SLC8A1: variants seen among roughly 807,000 people sequenced by gnomAD.
SLC8A1 encodes solute carrier family 8 member A1.
SLC8A1 carries 18 observed loss-of-function variants against 68.3 expected under a neutral mutation model. The observed-to-expected ratio is 0.26, with a 90% CI of 0.18 to 0.39. The LOEUF is 0.39. Among genes scored for constraint, SLC8A1 ranks in the 10% least tolerant of loss-of-function variants. The pLI, the probability that SLC8A1 is intolerant of heterozygous loss-of-function variation, is 1.00. For missense variants in SLC8A1, 985 were observed against 1,156.7 expected, an observed-to-expected ratio of 0.85 and a Z score of 2.15; for synonymous variants, 475 against 415.5, an observed-to-expected ratio of 1.14 and a Z score of -1.74.
At chr2:40,266,939 T>C (rs1423361512) in intron 2 of SLC8A1, among the ~76,000 whole-genome samples, 1 of 152,152 alleles carries the variant, frequency 6.6e-6, no homozygotes, top group Non-Finnish European at 1.5e-5. Flanking sequence ...TCAATACAGG[T>C]TATTTGTTAG....
At chr2:40,374,078 C>G (rs566674787) in intron 2 of SLC8A1, among the ~76,000 whole-genome samples, 1 of 152,208 alleles carries the variant, frequency 6.6e-6, no homozygotes, top group East Asian at 1.9e-4. Flanking sequence ...AGAGCACACA[C>G]AAATCCACTG....
At chr2:40,471,569 T>G (rs1703990549) in intron 1 of SLC8A1, among the ~76,000 whole-genome samples, 1 of 152,114 alleles carries the variant, frequency 6.6e-6, no homozygotes, top group Non-Finnish European at 1.5e-5. Flanking sequence ...CACACTGACT[T>G]GCTTTTGCTG....
chr2:40,367,030 G>C (rs1052784265), intron 2 of SLC8A1, among the ~76,000 whole-genome samples: 4 of 151,800 alleles, frequency 2.6e-5, no homozygotes. Context: ...TTGAGGGTGT[G>C]GTTGTCAAAA....
At chr2:40,359,978 A>C (rs1267956495) in intron 2 of SLC8A1, among the ~76,000 whole-genome samples, 2 of 151,788 alleles carry the variant, frequency 1.3e-5, no homozygotes, top group African/African-American at 4.8e-5. Flanking sequence ...GCTGTGCAAG[A>C]GTCTGTGGTA....
rs565625 is a variant in SLC8A1 at position 40,212,283 on chromosome 2, C to G, written c.1809-34428G>C. ...GTGCTAAACAGAAGAGATGCAATAT[C>G]TTTTTTTTTTTTTTTTTTCCTGAGA... On this transcript the variant is annotated intron_variant, in intron 2 of 7. Coordinates refer to ENST00000406785, the Ensembl canonical transcript of SLC8A1. Among the ~76,000 whole-genome samples the G allele has an allele frequency of 1.1e-3, 148 of 136,794 alleles. 4 individuals are homozygous for G. The highest frequency in any genetic ancestry group is 7.6e-3 in the Middle Eastern group (2 of 264). The allele number at this position is 136,794 out of a possible 152,430, so 89.7% of individuals were successfully genotyped here.
At chr2:40,170,866 C>G (rs1456356433) in intron 4 of SLC8A1, among the ~76,000 whole-genome samples, 2 of 152,056 alleles carry the variant, frequency 1.3e-5, no homozygotes, top group African/African-American at 4.8e-5. Context: ...TCCAGTTTCT[C>G]CCCATGTAAA....
chr2:40,406,950 G>GTT (rs5830625), intron 2 of SLC8A1, among the ~76,000 whole-genome samples: 2 of 151,812 alleles, frequency 1.3e-5, no homozygotes, highest in Non-Finnish European at 2.9e-5. Context: ...CTTCTCCACA[G>GTT]TTTTTTTTAC....
At chr2:40,118,049 G>A (rs1415836340) in intron 7 of SLC8A1, among the ~76,000 whole-genome samples, 1 of 152,188 alleles carries the variant, frequency 6.6e-6, no homozygotes, top group Non-Finnish European at 1.5e-5. Context: ...TAAAGAAGTA[G>A]ACAAACACTG....
intron 2 of SLC8A1, among the ~76,000 whole-genome samples, chr2:40,329,058 CCTCA>C (rs1481942426): frequency 4.3e-5 from 5 of 115,260 alleles, no homozygotes; most frequent in Admixed American, 3.9e-4. Flanking sequence ...CACACTACAA[CCTCA>C]CACACACACA....
intron 7 of SLC8A1, among the ~76,000 whole-genome samples, chr2:40,124,035 C>G (rs907297570): frequency 6.6e-6 from 1 of 152,178 alleles, no homozygotes; most frequent in African/African-American, 2.4e-5. Flanking sequence ...ACATCCATCT[C>G]CTATCCAAAT....
chr2:40,210,228 C>G (rs962089190), intron 2 of SLC8A1, among the ~76,000 whole-genome samples: 1 of 152,102 alleles, frequency 6.6e-6, no homozygotes, highest in Non-Finnish European at 1.5e-5. Flanking sequence ...AACTAATGCT[C>G]TTGGGAATTG....
In SLC8A1 at chr2:40,200,239, AATATATATATAT is replaced by A. The variant is rs1205217029; in HGVS notation, c.1809-22396_1809-22385del. ...ATATATTTTTTTATATATATATATAAATATATATATATATATATATATATATATAACCTCTTT... is the reference window on the plus strand; with the variant it reads ...ATATATTTTTTTATATATATATATAAATATATATATATATATAACCTCTTT... On this transcript the variant is annotated intron_variant, in intron 2 of 7. Coordinates refer to ENST00000406785, the Ensembl canonical transcript of SLC8A1. Among the ~76,000 whole-genome samples the A allele has an allele frequency of 1.3e-3, 22 of 16,834 alleles. 5 individuals are homozygous for A. Among genetic ancestry groups the A allele is most frequent in the African/African-American group, 2.2e-3 (10 of 4,566 alleles). The allele number at this position is 16,834 out of a possible 152,430, so 11.0% of individuals were successfully genotyped here. A position where few individuals can be genotyped will look rare whatever the true frequency, so the allele number is the denominator to read the frequency against.
rs1268861282 is a variant in SLC8A1, at chr2:40,125,970, C to T, written c.2438-10341G>A. Among the ~76,000 whole-genome samples, 6 of 152,114 alleles carry T rather than the reference C, an allele frequency of 3.9e-5. No homozygotes were observed. In the East Asian group the frequency reaches 1.2e-3, roughly 29 times the overall value. On this transcript the variant is annotated intron_variant, in intron 7 of 7. Transcript: ENST00000406785. Reference sequence around the variant, plus strand: ...CATGAATGTTATACTATCTGCTGTGCCTGACAATTCTGAGGAGGAAGATGG... The same window carrying T: ...CATGAATGTTATACTATCTGCTGTGTCTGACAATTCTGAGGAGGAAGATGG...
chr2:40,247,397 A>C (rs553145589), intron 2 of SLC8A1, among the ~76,000 whole-genome samples: 2 of 152,102 alleles, frequency 1.3e-5, no homozygotes, highest in East Asian at 3.9e-4. Flanking sequence ...AATATGGCAG[A>C]AGCCTTAGCA....
chr2:40,268,576 G>A (rs1018167846), intron 2 of SLC8A1, among the ~76,000 whole-genome samples: 22 of 152,174 alleles, frequency 1.4e-4, no homozygotes, highest in African/African-American at 5.3e-4. Context: ...ATTCCACGCT[G>A]AAAAGTGTTC....
At chr2:40,169,713 G>C (rs1019781) in intron 4 of SLC8A1, among the ~76,000 whole-genome samples, 67,931 of 151,978 alleles carry the variant, frequency 0.45, 17,917 homozygotes, top group Non-Finnish European at 0.61. Context: ...GGCAGAGGCG[G>C]GTGGACTGCT....
intron 1 of SLC8A1, among the ~76,000 whole-genome samples, chr2:40,435,877 G>C (rs371055063): frequency 1.3e-5 from 2 of 151,926 alleles, no homozygotes; most frequent in East Asian, 1.9e-4. Context: ...CTGGATTCAA[G>C]CAATTCTTCT....
intron 1 of SLC8A1, among the ~76,000 whole-genome samples, chr2:40,471,894 A>C (rs1399595620): frequency 6.6e-6 from 1 of 152,228 alleles, no homozygotes; most frequent in Non-Finnish European, 1.5e-5. Flanking sequence ...GAAGTAAGAA[A>C]TTTAAAATAT....
chr2:40,392,448 CAT>C (rs1234405664), intron 2 of SLC8A1, among the ~76,000 whole-genome samples: 1 of 151,980 alleles, frequency 6.6e-6, no homozygotes, highest in Non-Finnish European at 1.5e-5. Flanking sequence ...GTTTAGGAAA[CAT>C]AAATATTTAG....
Sources: allele counts gnomAD v4.1 joint callset (sites outside exome capture counted in the v4.1 genomes callset), GRCh38; gene constraint gnomAD v4.1.1; transcripts MANE v1.5; gene names NCBI Gene and HGNC (gene_info 2026-07-23, HGNC 2026-07-21).